Variants in LRRC7 observed in about 807,000 individuals in gnomAD.
The protein encoded by LRRC7 is leucine-rich repeat-containing protein 7.
In LRRC7, 23 loss-of-function variants were observed where a neutral mutation model predicts 175.7. The observed-to-expected ratio is 0.13, with a 90% CI of 0.09 to 0.19. The LOEUF is 0.19. LRRC7 is among the 10% of genes least tolerant of loss of function. The probability of loss-of-function intolerance (pLI) is 1.00; values close to 1 mark genes in which losing one functional copy is unlikely to be tolerated. For missense variants in LRRC7, 1,354 were observed against 1,904.7 expected (o/e 0.71, Z 5.38); for synonymous variants, 685 against 680.9 (o/e 1.01, Z -0.09).
intron 3 of LRRC7, among the ~76,000 whole-genome samples, chr1:69,778,630 C>T (rs915639067): frequency 6.6e-6 from 1 of 152,022 alleles, no homozygotes; most frequent in Non-Finnish European, 1.5e-5. Flanking sequence ...GAAATGGAAC[C>T]TTAGAGAACA....
chr1:69,903,152 T>C (rs1478068441), intron 7 of LRRC7, among the ~76,000 whole-genome samples: 2 of 152,208 alleles, frequency 1.3e-5, no homozygotes, highest in Non-Finnish European at 2.9e-5. Context: ...GTGAAATTTG[T>C]TCTTAAGTTG....
intron 3 of LRRC7, among the ~76,000 whole-genome samples, chr1:69,775,618 G>C (rs1303993186): frequency 6.6e-6 from 1 of 152,160 alleles, no homozygotes; most frequent in Non-Finnish European, 1.5e-5. Context: ...TTCATATATA[G>C]ACATTTGCTT....
At chr1:70,037,352 T>C (rs760081997) in intron 20 of LRRC7, among the ~76,000 whole-genome samples, 6 of 152,230 alleles carry the variant, frequency 3.9e-5, no homozygotes, top group Non-Finnish European at 7.3e-5. Context: ...TTCCTAATCA[T>C]TGATGCTCAT....
chr1:69,934,478 A>G (rs1557905718), intron 8 of LRRC7, among the ~76,000 whole-genome samples: 1 of 100,660 alleles, frequency 9.9e-6, no homozygotes, highest in Admixed American at 1.5e-4. Flanking sequence ...TTCTGAGAAC[A>G]TAATAGATAT....
chr1:69,685,146 C>T (rs547890884), intron 2 of LRRC7, among the ~76,000 whole-genome samples: 2 of 152,218 alleles, frequency 1.3e-5, no homozygotes, highest in South Asian at 4.1e-4. Context: ...TGAAGCAGAC[C>T]AGATCAGCAT....
At chr1:70,011,334 GT>G (rs67944152) in intron 11 of LRRC7, among the ~76,000 whole-genome samples, 16,553 of 148,746 alleles carry the variant, frequency 0.11, 1,100 homozygotes, top group African/African-American at 0.19. Context: ...AGAATTGGTG[GT>G]TTTTTTTTTC....
At chr1:69,603,959 T>A (rs1323321857) in intron 1 of LRRC7, among the ~76,000 whole-genome samples, 2 of 152,212 alleles carry the variant, frequency 1.3e-5, no homozygotes, top group South Asian at 2.1e-4. Context: ...TCCCAAAAAA[T>A]TTAATAAAAA....
chr1:70,012,039 T>C (rs1656560095), intron 12 of LRRC7, 113 bp downstream of exon 12: 1 of 640,314 alleles, frequency 1.6e-6, no homozygotes, highest in Non-Finnish European at 2.6e-6. Flanking sequence ...TGAATATATA[T>C]AGGAATTATC....
At chr1:69,621,199 C>T (rs1415574136) in intron 1 of LRRC7, among the ~76,000 whole-genome samples, 1 of 152,000 alleles carries the variant, frequency 6.6e-6, no homozygotes, top group Non-Finnish European at 1.5e-5. Flanking sequence ...CATGTGCCAC[C>T]ATGCCCGGCT....
intron 2 of LRRC7, among the ~76,000 whole-genome samples, chr1:69,732,987 G>A (rs954576708): frequency 6.6e-6 from 1 of 152,006 alleles, no homozygotes; most frequent in African/African-American, 2.4e-5. Flanking sequence ...TTCTAGAAGA[G>A]ATTCAGTGTA....
intron 17 of LRRC7, among the ~76,000 whole-genome samples, chr1:70,026,022 G>A (rs10493462): frequency 0.076 from 11,547 of 152,076 alleles, 1,490 homozygotes; most frequent in African/African-American, 0.26. Flanking sequence ...TATCACATGT[G>A]CTTGCTTATA....
At chr1:69,745,998 T>G (rs1669216771) in intron 2 of LRRC7, among the ~76,000 whole-genome samples, 2 of 151,932 alleles carry the variant, frequency 1.3e-5, no homozygotes, top group Admixed American at 6.6e-5. Flanking sequence ...TCAGTACTCT[T>G]ATTTTTTGCC....
At chr1:69,916,303 CTATA>C (rs1194212534) in intron 7 of LRRC7, among the ~76,000 whole-genome samples, 1 of 130,592 alleles carries the variant, frequency 7.7e-6, no homozygotes, top group African/African-American at 2.8e-5. Flanking sequence ...ATATATAAAA[CTATA>C]TATATATATA....
At chr1:69,698,746 C>T (rs1019862234) in intron 2 of LRRC7, among the ~76,000 whole-genome samples, 1 of 152,172 alleles carries the variant, frequency 6.6e-6, no homozygotes, top group African/African-American at 2.4e-5. Flanking sequence ...TCTTACCCTG[C>T]CTTGATATCA....
At chr1:69,817,429 A>G (rs1358485044) in intron 4 of LRRC7, among the ~76,000 whole-genome samples, 1 of 151,970 alleles carries the variant, frequency 6.6e-6, no homozygotes, top group African/African-American at 2.4e-5. Flanking sequence ...GTTAACCATC[A>G]GTTGATTGAT....
At chr1:69,884,826 G>T (rs543696119) in intron 7 of LRRC7, among the ~76,000 whole-genome samples, 3 of 143,836 alleles carry the variant, frequency 2.1e-5, no homozygotes, top group East Asian at 4.3e-4. Context: ...TTAGCATGAA[G>T]GGTTTTTGAA....
chr1:70,073,733 T>A (rs1257548809), intron 23 of LRRC7, among the ~76,000 whole-genome samples: 1 of 152,226 alleles, frequency 6.6e-6, no homozygotes, highest in Non-Finnish European at 1.5e-5. Context: ...AAGCACTGGC[T>A]GAAGACCCAT....
intron 7 of LRRC7, among the ~76,000 whole-genome samples, chr1:69,898,661 C>CGCTGCTGCTGCT (rs1557864684): frequency 2.4e-5 from 3 of 124,990 alleles, no homozygotes; most frequent in African/African-American, 8.5e-5. Flanking sequence ...TTGCTATCAT[C>CGCTGCTGCTGCT]ACTGCTGCTG....
chr1:70,035,005 A>G (rs1418061984), intron 18 of LRRC7, among the ~76,000 whole-genome samples: 2 of 152,090 alleles, frequency 1.3e-5, no homozygotes, highest in East Asian at 1.9e-4. Flanking sequence ...CATTATACCA[A>G]CCGATTAGTT....
Sources: allele counts gnomAD v4.1 joint callset (sites outside exome capture counted in the v4.1 genomes callset), GRCh38; gene constraint gnomAD v4.1.1; transcripts MANE v1.5; gene names NCBI Gene and HGNC (gene_info 2026-07-23, HGNC 2026-07-21).